The following MALRD1 variants were observed in gnomAD, a reference collection of about 807,000 sequenced individuals.
MALRD1 encodes MAM and LDL receptor class A domain containing 1.
A neutral mutation model predicts 242.1 loss-of-function variants in MALRD1; 247 were observed. The ratio of observed to expected loss-of-function variants is 1.02; its 90% CI spans 0.92 to 1.13. MALRD1 has a LOEUF of 1.13. Ranked by LOEUF, MALRD1 falls within the 50% of genes most tolerant of loss-of-function variation. The probability of loss-of-function intolerance (pLI) is 0.00; values close to 1 mark genes in which losing one functional copy is unlikely to be tolerated. For synonymous variants in MALRD1, 995 were observed against 866.6 expected, an observed-to-expected ratio of 1.15 and a Z score of -2.60; for missense variants, 2,989 against 2,533.1, an observed-to-expected ratio of 1.18 and a Z score of -3.86.
rs75949161 is a variant in MALRD1 at position 19,587,531 on chromosome 10, A to G, written c.5681-7663A>G. On this transcript the variant is annotated intron_variant, in intron 33 of 39. Transcript: ENST00000454679. The stretch of plus-strand genomic sequence containing the variant: ...CCTTGGGCACTTTAGGCTTTTATGG[A>G]ACTTGTATGAAATTCTTGAGCACAT... Among the ~76,000 whole-genome samples, 394 of 152,366 alleles carry G rather than the reference A, an allele frequency of 2.6e-3. 6 individuals carry two copies. The East Asian group carries it at 0.058, about 22-fold the overall frequency.
chr10:19,363,452 T>G (rs1844981963), intron 26 of MALRD1, among the ~76,000 whole-genome samples: 1 of 152,130 alleles, frequency 6.6e-6, no homozygotes, highest in African/African-American at 2.4e-5. Flanking sequence ...GCTGCTGGGT[T>G]AAACAAAATG....
rs181027409 is a variant in MALRD1 at position 19,329,501 on chromosome 10, C to T, written c.3687+1828C>T. Among the ~76,000 whole-genome samples, 5 of 151,890 alleles carry T rather than the reference C, an allele frequency of 3.3e-5. No homozygotes were observed. The East Asian group carries it at 9.7e-4, about 30-fold the overall frequency. ...TGTAGCAGTTACTGAGTGCTACATA[C>T]TATTTATGAATTTTTAAAATATTTA... On this transcript the variant is annotated intron_variant, in intron 23 of 39. Transcript: ENST00000454679.
chr10:19,698,270 C>CAGA (rs1208625238), intron 38 of MALRD1, among the ~76,000 whole-genome samples: 4 of 152,124 alleles, frequency 2.6e-5, no homozygotes, highest in African/African-American at 9.7e-5. Flanking sequence ...CCAAACACAT[C>CAGA]AGAACTCTAA....
At chr10:19,118,318 A>G (rs1043512484) in intron 5 of MALRD1, among the ~76,000 whole-genome samples, 13 of 152,228 alleles carry the variant, frequency 8.5e-5, no homozygotes, top group Non-Finnish European at 1.6e-4. Context: ...TCCTGAGAAC[A>G]GGTGCCCAAG....
At chr10:19,250,478 A>G (rs1417846896) in intron 18 of MALRD1, among the ~76,000 whole-genome samples, 1 of 152,004 alleles carries the variant, frequency 6.6e-6, no homozygotes, top group Non-Finnish European at 1.5e-5. Context: ...TTAAAATAGC[A>G]TGTGAGTGTG....
chr10:19,727,224 A>T (rs892332337), intron 38 of MALRD1, among the ~76,000 whole-genome samples: 1 of 152,204 alleles, frequency 6.6e-6, no homozygotes, highest in Non-Finnish European at 1.5e-5. Flanking sequence ...GTTAAAAATA[A>T]AAATACAAAA....
intron 12 of MALRD1, among the ~76,000 whole-genome samples, chr10:19,163,487 A>T (rs1466084406): frequency 7.0e-6 from 1 of 142,466 alleles, no homozygotes; most frequent in Non-Finnish European, 1.5e-5. Context: ...AACAACAGAC[A>T]CGGGGGTCTA....
chr10:19,656,067 GT>G (rs1411058433), intron 36 of MALRD1, among the ~76,000 whole-genome samples: 1 of 152,080 alleles, frequency 6.6e-6, no homozygotes, highest in Non-Finnish European at 1.5e-5. Context: ...GTGAATATTG[GT>G]AAAACAATGC....
At chr10:19,494,126 C>T (rs565013692) in intron 30 of MALRD1, among the ~76,000 whole-genome samples, 20 of 152,250 alleles carry the variant, frequency 1.3e-4, no homozygotes, top group African/African-American at 4.1e-4. Context: ...CTGCACTTAG[C>T]GCCACATGCT....
At chr10:19,196,268 T>C (rs1836241661) in intron 14 of MALRD1, among the ~76,000 whole-genome samples, 1 of 152,190 alleles carries the variant, frequency 6.6e-6, no homozygotes, top group Admixed American at 6.5e-5. Context: ...TTTCTCTCAT[T>C]TCCTTTACAT....
chr10:19,631,569 A>ACTGCTTTC (rs1335157258), intron 36 of MALRD1, among the ~76,000 whole-genome samples: 1 of 152,132 alleles, frequency 6.6e-6, no homozygotes, highest in Non-Finnish European at 1.5e-5. Flanking sequence ...GAATCATCAC[A>ACTGCTTTC]CTGCTTTCCA....
At chr10:19,241,194 G>T (rs1222697285) in intron 18 of MALRD1, among the ~76,000 whole-genome samples, 1 of 150,518 alleles carries the variant, frequency 6.6e-6, no homozygotes, top group African/African-American at 2.4e-5. Context: ...GGTCCTGGGT[G>T]TTGGTTGTTG....
chr10:19,558,360 A>G (rs1835817529), intron 32 of MALRD1, among the ~76,000 whole-genome samples: 1 of 152,130 alleles, frequency 6.6e-6, no homozygotes, highest in South Asian at 2.1e-4. Flanking sequence ...ATTAAGGATG[A>G]TATTAGCTAT....
intron 1 of MALRD1, among the ~76,000 whole-genome samples, chr10:19,064,206 C>T (rs1834904642): frequency 6.6e-6 from 1 of 152,082 alleles, no homozygotes; most frequent in South Asian, 2.1e-4. Context: ...ACTTGGATTC[C>T]ACTGATAAGT....
intron 33 of MALRD1, among the ~76,000 whole-genome samples, chr10:19,573,380 T>G (rs1836655062): frequency 6.6e-6 from 1 of 152,136 alleles, no homozygotes; most frequent in Non-Finnish European, 1.5e-5. Flanking sequence ...TGCCCCTTCC[T>G]CTGAGCCAGG....
intron 7 of MALRD1, among the ~76,000 whole-genome samples, chr10:19,125,286 TTTCTTTCCTTCCTTCCTTCCTTCCTTCC>T (rs1333820697): frequency 0.01 from 1,144 of 111,486 alleles, 43 homozygotes; most frequent in African/African-American, 0.03. Flanking sequence ...TCTTTCTTTC[TTTCTTTCCTTCCTTCCTTCCTTCCTTCC>T]TTCCTTCCTT....
intron 21 of MALRD1, among the ~76,000 whole-genome samples, chr10:19,316,844 C>G (rs541627100): frequency 6.6e-6 from 1 of 151,862 alleles, no homozygotes; most frequent in African/African-American, 2.4e-5. Flanking sequence ...ATGATTAAGA[C>G]TTACTATTTG....
intron 11 of MALRD1, among the ~76,000 whole-genome samples, chr10:19,153,705 A>G (rs1007952054): frequency 2.7e-5 from 4 of 149,934 alleles, no homozygotes; most frequent in Non-Finnish European, 5.9e-5. Flanking sequence ...AAAAAAAAAG[A>G]AAAGAAAATT....
chr10:19,471,608 C>A (rs1836500048), intron 29 of MALRD1, among the ~76,000 whole-genome samples: 1 of 94,994 alleles, frequency 1.1e-5, no homozygotes, highest in African/African-American at 4.2e-5. Context: ...CTATTTTTCT[C>A]AGGATTTTTT....
Sources: allele counts gnomAD v4.1 joint callset (sites outside exome capture counted in the v4.1 genomes callset), GRCh38; gene constraint gnomAD v4.1.1; transcripts MANE v1.5; gene names NCBI Gene and HGNC (gene_info 2026-07-23, HGNC 2026-07-21).